The following TGFBR3L variants were observed in gnomAD, a reference collection of about 807,000 sequenced individuals.
TGFBR3L encodes transforming growth factor-beta receptor type 3-like protein.
TGFBR3L carries 21 observed loss-of-function variants against 20.4 expected under a neutral mutation model. That is an observed-to-expected ratio of 1.03 (90% CI 0.73 to 1.48). The LOEUF (loss-of-function observed/expected upper bound fraction) is 1.48. Ranked by LOEUF, TGFBR3L falls within the 40% of genes most tolerant of loss-of-function variation. TGFBR3L has a pLI of 0.00. For synonymous variants in TGFBR3L, 245 were observed against 244.2 expected, an observed-to-expected ratio of 1.00 and a Z score of -0.03; for missense variants, 479 against 498.0, an observed-to-expected ratio of 0.96 and a Z score of 0.36.
Position 7,915,260 on chromosome 19 carries a change from G to A in TGFBR3L, c.-1008G>A, listed in dbSNP as rs905307750. Among the ~76,000 whole-genome samples the A allele has an allele frequency of 1.1e-4, 17 of 152,094 alleles. No individual in the cohort carries two copies. Among genetic ancestry groups the A allele is most frequent in the African/African-American group, 3.9e-4 (16 of 41,490 alleles). ...CAAAGTGCTGGGATTACAGGTGTGAGCCACCGCGCCCCACCGATGTCACTC... is the reference window on the plus strand; with the variant it reads ...CAAAGTGCTGGGATTACAGGTGTGAACCACCGCGCCCCACCGATGTCACTC... On this transcript the variant is annotated 5_prime_UTR_variant, in exon 1 of 6. Transcript: ENST00000565886.
intron 5 of TGFBR3L, 74 bp downstream of exon 6, chr19:7,918,203 C>A (rs1047022323): frequency 2.8e-6 from 4 of 1,439,620 alleles, no homozygotes; most frequent in African/African-American, 1.4e-5. Context: ...TTAGTTCGTG[C>A]CAGGCACTGT....
Position 7,917,161 on chromosome 19 carries a change from G to T in TGFBR3L, c.597+219G>T, listed in dbSNP as rs574459938. ...GCTCTGGAATCCTTCAGGGCTGGGGGTTGGATGCAGAAGGCCACTAAGGGG... is the reference window on the plus strand; with the variant it reads ...GCTCTGGAATCCTTCAGGGCTGGGGTTTGGATGCAGAAGGCCACTAAGGGG... On this transcript the variant is annotated intron_variant, in intron 2 of 5. Transcript: ENST00000565886. 6 of 869,822 alleles carry T rather than the reference G, an allele frequency of 6.9e-6. No homozygotes were observed. In the East Asian group the frequency reaches 1.7e-4, roughly 24 times the overall value. 53.9% of individuals were successfully genotyped at this position (869,822 alleles called of 1,614,324 possible).
chr19:7,916,542 A>T lies in TGFBR3L; in HGVS notation c.275A>T (p.Gln92Leu). 1 of 1,486,502 alleles carries T rather than the reference A, an allele frequency of 6.7e-7. No homozygotes were observed. The highest frequency in any genetic ancestry group is 8.9e-7 in the Non-Finnish European group (1 of 1,121,632). The allele number at this position is 1,486,502 out of a possible 1,614,324, so 92.1% of individuals were successfully genotyped here. The change falls in exon 1 of 6, where the codon CAG becomes CTG. Residue 92 changes from glutamine to leucine, a missense_variant and splice_region_variant. Gln to Leu is a moderately radical substitution (Grantham distance 113, BLOSUM62 -2). Transcript: ENST00000565886. ...CCGGCCGACAGCCGCGTGTTCGTGC[A>T]GGTGGGGACCCCGGGGACACCAGGG...
chr19:7,916,704 G>A lies in TGFBR3L; in HGVS notation c.359G>A (p.Gly120Glu). The A allele has an allele frequency of 1.4e-6, 2 of 1,454,930 alleles. No homozygotes were observed. Among genetic ancestry groups the A allele is most frequent in the Non-Finnish European group, 1.8e-6 (2 of 1,112,420 alleles). 90.1% of individuals were successfully genotyped at this position (1,454,930 alleles called of 1,614,324 possible). A position where few individuals can be genotyped will look rare whatever the true frequency, so the allele number is the denominator to read the frequency against. Residue 120 changes from glycine (G) to glutamate (E), a missense_variant, in exon 2 of 6, where the codon GGG (glycine) becomes GAG (glutamate). By Grantham distance (98) the Gly-to-Glu change is moderately conservative. Transcript: ENST00000565886. ...ACGCCGTCCTCACGCCCGGCCCCGG[G>A]GCCCGCCCTGGCTCTGCTGCGTGAG...
Position 7,916,895 on chromosome 19 carries a change from C to A in TGFBR3L, c.550C>A (p.Arg184=). The A allele has an allele frequency of 7.5e-7, 1 of 1,338,014 alleles. No individual in the cohort carries two copies. Among genetic ancestry groups the A allele is most frequent in the South Asian group, 2.0e-5 (1 of 49,066 alleles). 82.9% of individuals were successfully genotyped at this position (1,338,014 alleles called of 1,614,324 possible). Residue 184 remains arginine (R), a synonymous_variant, in exon 2 of 6, where the codon CGG becomes AGG. Coordinates refer to ENST00000565886, the MANE Select transcript of TGFBR3L (RefSeq NM_001195259.2). ...CTGCCGCCGCCTCCGGGGAGTCCGC[C>A]GGGCGCCTGCGCCTCTGACGCCGCC...
Position 7,916,888 on chromosome 19 carries a change from A to C in TGFBR3L, c.543A>C (p.Gly181=). The change falls in exon 2 of 6, where the codon GGA becomes GGC. Residue 181 remains glycine, a synonymous_variant. Coordinates refer to ENST00000565886, the MANE Select transcript of TGFBR3L (RefSeq NM_001195259.2). ...TGAGCCGCTGCCGCCGCCTCCGGGG[A>C]GTCCGCCGGGCGCCTGCGCCTCTGA... 7.4e-7 allele frequency: 1 copy of C among 1,349,902 alleles called. No individual in the cohort carries two copies. The highest frequency in any genetic ancestry group is 9.5e-7 in the Non-Finnish European group (1 of 1,055,222). 83.6% of individuals were successfully genotyped at this position (1,349,902 alleles called of 1,614,324 possible).
chr19:7,917,585 C>G lies in TGFBR3L; in HGVS notation c.710C>G (p.Pro237Arg). ...ACGCAGCCTATCGTGGTCACCGTGCCGCGGCCGCCCCCCAGTGAGCACGCA... is the reference window on the plus strand; with the variant it reads ...ACGCAGCCTATCGTGGTCACCGTGCGGCGGCCGCCCCCCAGTGAGCACGCA... Residue 237 changes from proline to arginine, a missense_variant, in exon 3 of 6, where the codon CCG becomes CGG. Physicochemically the swap from Pro to Arg is moderately radical, Grantham distance 103. Coordinates refer to ENST00000565886, the MANE Select transcript of TGFBR3L (RefSeq NM_001195259.2). 3 of 1,481,750 alleles carry G rather than the reference C, an allele frequency of 2.0e-6. No individual in the cohort carries two copies. The South Asian group carries it at 3.8e-5, about 19-fold the overall frequency. The allele number at this position is 1,481,750 out of a possible 1,614,324, so 91.8% of individuals were successfully genotyped here.
chr19:7,917,165 G>T, intron 2 of TGFBR3L: 2 of 834,038 alleles, frequency 2.4e-6, no homozygotes, highest in Non-Finnish European at 3.4e-6. Flanking sequence ...CTGGGGGTTG[G>T]ATGCAGAAGG....
In TGFBR3L at chr19:7,915,693, G is replaced by A. The variant is rs1209657682; in HGVS notation, c.-575G>A. On this transcript the variant is annotated 5_prime_UTR_variant, in exon 1 of 6. Coordinates refer to ENST00000565886, the MANE Select transcript of TGFBR3L (RefSeq NM_001195259.2). ...GTGGAGGCTGCAGTGAGCTGTATTC[G>A]CACCACTGCACTCCAGCCTGGGCGA... Among the ~76,000 whole-genome samples, 1 of 152,158 alleles carries A rather than the reference G, an allele frequency of 6.6e-6. No individual in the cohort carries two copies. Among genetic ancestry groups the A allele is most frequent in the Non-Finnish European group, 1.5e-5 (1 of 68,012 alleles).
At position 7,917,825 on chromosome 19, in the gene TGFBR3L, G is replaced by C; in HGVS notation, c.849G>C (p.Leu283=). Residue 283 remains leucine (L), a synonymous_variant, in exon 4 of 6, where the codon CTG becomes CTC. Transcript: ENST00000565886. Reference sequence around the variant, plus strand: ...CAGCCTTCGTGCTGGGCGCCGCGCTGGCCGCCGGGCTGGGTCTCGTCTGTG... The same window carrying C: ...CAGCCTTCGTGCTGGGCGCCGCGCTCGCCGCCGGGCTGGGTCTCGTCTGTG... The C allele has an allele frequency of 7.2e-7, 1 of 1,387,924 alleles. No homozygotes were observed. The highest frequency in any genetic ancestry group is 9.3e-7 in the Non-Finnish European group (1 of 1,078,474). 86.0% of individuals were successfully genotyped at this position (1,387,924 alleles called of 1,614,324 possible).
rs936520061 is a variant in TGFBR3L, at chr19:7,917,572, G to T, written c.697G>T (p.Val233Leu). The change falls in exon 3 of 6, where the codon GTG becomes TTG. Residue 233 changes from valine to leucine, a missense_variant. Val to Leu is a conservative substitution (Grantham distance 32). Transcript: ENST00000565886. ...CCTGCACACGCTGACGCAGCCTATC[G>T]TGGTCACCGTGCCGCGGCCGCCCCC... 2.7e-6 allele frequency: 4 copies of T among 1,494,270 alleles called. No individual in the cohort carries two copies. The highest frequency in any genetic ancestry group is 3.6e-6 in the Non-Finnish European group (4 of 1,125,300). The allele number at this position is 1,494,270 out of a possible 1,614,324, so 92.6% of individuals were successfully genotyped here. A position where few individuals can be genotyped will look rare whatever the true frequency, so the allele number is the denominator to read the frequency against.
intron 5 of TGFBR3L, 37 bp downstream of exon 6, chr19:7,918,166 A>G: frequency 1.3e-6 from 2 of 1,525,078 alleles, no homozygotes; most frequent in East Asian, 2.5e-5. Context: ...GTGAGGTAGG[A>G]GATCTGACAG....
In TGFBR3L at chr19:7,916,632, C is replaced by A; in HGVS notation, c.287C>A (p.Ala96Asp). Reference sequence around the variant, plus strand: ...GCCTCCGTCCCCCAGGCGGCCTTGGCCCGTCCCTCCCCGCGCTGGGGCCTG... The same window carrying A: ...GCCTCCGTCCCCCAGGCGGCCTTGGACCGTCCCTCCCCGCGCTGGGGCCTG... Residue 96 changes from alanine (A) to aspartate (D), a missense_variant, in exon 2 of 6, where the codon GCC becomes GAC. Coordinates refer to ENST00000565886, the MANE Select transcript of TGFBR3L (RefSeq NM_001195259.2). 1 of 1,422,770 alleles carries A rather than the reference C, an allele frequency of 7.0e-7. No homozygotes were observed. The highest frequency in any genetic ancestry group is 9.1e-7 in the Non-Finnish European group (1 of 1,099,582). 88.1% of individuals were successfully genotyped at this position (1,422,770 alleles called of 1,614,324 possible). A position where few individuals can be genotyped will look rare whatever the true frequency, so the allele number is the denominator to read the frequency against.
At position 7,915,633 on chromosome 19, in the gene TGFBR3L, G is replaced by C. The variant is rs1415520633; in HGVS notation, c.-635G>C. Reference sequence around the variant, plus strand: ...AGTGGCTGTGGTCATAGCTACTCGAGAGGCTGAAGCAGGAGGATGGCTGGA... The same window carrying C: ...AGTGGCTGTGGTCATAGCTACTCGACAGGCTGAAGCAGGAGGATGGCTGGA... On this transcript the variant is annotated 5_prime_UTR_variant, in exon 1 of 6. Coordinates refer to ENST00000565886, the MANE Select transcript of TGFBR3L (RefSeq NM_001195259.2). Among the ~76,000 whole-genome samples, 1 of 152,224 alleles carries C rather than the reference G, an allele frequency of 6.6e-6. No individual in the cohort carries two copies. Among genetic ancestry groups the C allele is most frequent in the Non-Finnish European group, 1.5e-5 (1 of 68,042 alleles).
In TGFBR3L at chr19:7,916,774, G is replaced by C. The variant is rs1481304650; in HGVS notation, c.429G>C (p.Pro143=). 1.3e-6 allele frequency: 2 copies of C among 1,487,150 alleles called. No individual in the cohort carries two copies. The highest frequency in any genetic ancestry group is 1.8e-6 in the Non-Finnish European group (2 of 1,124,030). The allele number at this position is 1,487,150 out of a possible 1,614,324, so 92.1% of individuals were successfully genotyped here. ...CTGTCGCCTTCCCGCCACCGCCGCCGCCGAGCCCGGGTGCCGCCCGCCCCG... is the reference window on the plus strand; with the variant it reads ...CTGTCGCCTTCCCGCCACCGCCGCCCCCGAGCCCGGGTGCCGCCCGCCCCG... The change falls in exon 2 of 6, where the codon CCG becomes CCC. Residue 143 remains proline (P), a synonymous_variant. Transcript: ENST00000565886.
intron 5 of TGFBR3L, 111 bp downstream of exon 6, chr19:7,918,240 TTTGTTTG>T (rs1983409760): frequency 1.5e-6 from 2 of 1,291,666 alleles, no homozygotes; most frequent in Non-Finnish European, 2.1e-6. Flanking sequence ...TGTTTGTTTG[TTTGTTTG>T]TTTTTTGAGA....
intron 5 of TGFBR3L, 61 bp downstream of exon 6, chr19:7,918,190 C>A: frequency 6.7e-7 from 1 of 1,485,788 alleles, no homozygotes; most frequent in Non-Finnish European, 9.1e-7. Flanking sequence ...CGCTTCCTAG[C>A]GCTTAGTTCG....
At position 7,916,959 on chromosome 19, in the gene TGFBR3L, C is replaced by A; in HGVS notation, c.597+17C>A. The A allele has an allele frequency of 7.8e-7, 1 of 1,278,684 alleles. No individual in the cohort carries two copies. Among genetic ancestry groups the A allele is most frequent in the Non-Finnish European group, 9.8e-7 (1 of 1,019,800 alleles). 79.2% of individuals were successfully genotyped at this position (1,278,684 alleles called of 1,614,324 possible). ...CCATCGCGGGTGCGCGGGCGCAGAG[C>A]CTGGAATCCGGGCGCTGGGGCCCTT... On this transcript the variant is annotated intron_variant, in intron 2 of 5. Coordinates refer to ENST00000565886, the MANE Select transcript of TGFBR3L (RefSeq NM_001195259.2).
intron 4 of TGFBR3L, 78 bp downstream of exon 5, chr19:7,917,937 G>GC: frequency 2.9e-6 from 4 of 1,395,286 alleles, no homozygotes; most frequent in Non-Finnish European, 3.7e-6. Context: ...GATCCCGCCT[G>GC]CGGGGCCTGA....
Sources: gnomAD v4.1 joint callset for allele counts (sites outside exome capture counted in the v4.1 genomes callset) on GRCh38, gnomAD v4.1.1 for gene constraint, MANE v1.5 for transcripts, NCBI Gene and HGNC (gene_info 2026-07-23, HGNC 2026-07-21) for gene names.